Variants in DNAAF9 observed in about 807,000 individuals in gnomAD.
DNAAF9 encodes dynein axonemal assembly factor 9.
Under a neutral mutation model 167.0 loss-of-function variants are expected in DNAAF9, and 90 were observed. The observed-to-expected ratio is 0.54, with a 90% CI of 0.45 to 0.64. DNAAF9 has a LOEUF of 0.64. Among genes scored for constraint, DNAAF9 ranks in the 30% least tolerant of loss-of-function variants. The pLI, the probability that DNAAF9 is intolerant of heterozygous loss-of-function variation, is 0.00. For missense variants in DNAAF9, 1,315 were observed against 1,442.2 expected (o/e 0.91, Z 1.43); for synonymous variants, 491 against 508.8 (o/e 0.96, Z 0.47).
In DNAAF9 at chr20:3,322,148, A is replaced by G. The variant is rs1600781166; in HGVS notation, c.1356+69T>C. The stretch of plus-strand genomic sequence containing the variant: ...CTGCCCAAGACCCCCACCCACTCCC[A>G]CCTCCCAACTTACAGATGTCCCTCT... On this transcript the variant is annotated intron_variant, in intron 16 of 36. Coordinates refer to ENST00000252032, the MANE Select transcript of DNAAF9 (RefSeq NM_001009984.3). The G allele has an allele frequency of 1.6e-5, 19 of 1,186,002 alleles. No homozygotes were observed. In the South Asian group the frequency reaches 2.4e-4, roughly 15 times the overall value. 73.5% of individuals were successfully genotyped at this position (1,186,002 alleles called of 1,614,324 possible).
In DNAAF9 at chr20:3,289,512, T is replaced by C. The variant is rs77134337; in HGVS notation, c.2327+617A>G. Among the ~76,000 whole-genome samples, 398 of 152,124 alleles carry C rather than the reference T, an allele frequency of 2.6e-3. 4 individuals carry two copies. The highest frequency in any genetic ancestry group is 0.017 in the East Asian group (89 of 5,170). ...ACTTCCTATAACCTTCCCTGCTTTA[T>C]TTTCTGTTTTTTTGTTTTGTTTTTT... is the stretch of plus-strand genomic sequence containing the variant. On this transcript the variant is annotated intron_variant, in intron 26 of 36. Coordinates refer to ENST00000252032, the MANE Select transcript of DNAAF9 (RefSeq NM_001009984.3).
intron 1 of DNAAF9, among the ~76,000 whole-genome samples, chr20:3,401,052 T>C (rs2083975798): frequency 6.6e-6 from 1 of 152,178 alleles, no homozygotes; most frequent in African/African-American, 2.4e-5. Context: ...GCTGGGACCA[T>C]CTGTACCGTA....
At chr20:3,259,894 T>G in intron 32 of DNAAF9, 28 bp downstream of exon 32, 1 of 1,295,326 alleles carries the variant, frequency 7.7e-7, no homozygotes, top group Non-Finnish European at 1.1e-6. Flanking sequence ...CTTTTTCCAG[T>G]GTCTAGGACA....
chr20:3,279,034 C>G, intron 28 of DNAAF9, 85 bp from the exon 29 acceptor site: 1 of 967,048 alleles, frequency 1.0e-6, no homozygotes, highest in South Asian at 1.4e-5. Context: ...AGGAGTACCA[C>G]TGACAAGCAA....
At chr20:3,278,826 G>T in intron 29 of DNAAF9, 86 bp downstream of exon 29, 1 of 989,850 alleles carries the variant, frequency 1.0e-6, no homozygotes. Context: ...TTTCAGAATG[G>T]TAGGTAAGAG....
rs1400604655 is a variant in DNAAF9, at chr20:3,296,860, C to A, written c.2018+1G>T. On this transcript the variant is annotated splice_donor_variant, in intron 23 of 36. Coordinates refer to ENST00000252032, the MANE Select transcript of DNAAF9 (RefSeq NM_001009984.3). LOFTEE classifies it high-confidence loss of function. ...GCACAAATACTGAAGCAGCCACTTA[C>A]AATCTCTTTTGTTCCACAGATAATC... is the stretch of plus-strand genomic sequence containing the variant. 2.5e-6 allele frequency: 4 copies of A among 1,592,898 alleles called. No individual in the cohort carries two copies. Among genetic ancestry groups the A allele is most frequent in the Non-Finnish European group, 2.6e-6 (3 of 1,161,222 alleles).
chr20:3,268,973 G>A (rs2068541074), intron 30 of DNAAF9, among the ~76,000 whole-genome samples: 1 of 143,172 alleles, frequency 7.0e-6, no homozygotes, highest in Non-Finnish European at 1.5e-5. Flanking sequence ...GTGCGGTCTT[G>A]GCTCACTGCA....
At chr20:3,271,625 CTTT>C (rs199597627) in intron 29 of DNAAF9, among the ~76,000 whole-genome samples, 10 of 113,196 alleles carry the variant, frequency 8.8e-5, no homozygotes, top group East Asian at 4.8e-4. Context: ...TTTACTTCTT[CTTT>C]TTTTTTTTTT....
chr20:3,265,108 T>G (rs545985150), intron 30 of DNAAF9, among the ~76,000 whole-genome samples: 3 of 152,188 alleles, frequency 2.0e-5, no homozygotes, highest in African/African-American at 7.2e-5. Context: ...TTGTTAGAAA[T>G]GCAGAACCTC....
chr20:3,286,733 C>T (rs2068858882), intron 27 of DNAAF9, among the ~76,000 whole-genome samples: 1 of 152,182 alleles, frequency 6.6e-6, no homozygotes, highest in Non-Finnish European at 1.5e-5. Flanking sequence ...CCCAGCTTTG[C>T]TCCAATTCCC....
intron 7 of DNAAF9, among the ~76,000 whole-genome samples, chr20:3,351,834 TTTTATTTATTTATTTA>T (rs3082553): frequency 6.2e-5 from 9 of 146,226 alleles, no homozygotes; most frequent in Admixed American, 2.7e-4. Flanking sequence ...GTTTGTGTTA[TTTTATTTATTTATTTA>T]TTTATTTATT....
chr20:3,355,782 T>C (rs2083277606), intron 7 of DNAAF9, among the ~76,000 whole-genome samples: 1 of 152,192 alleles, frequency 6.6e-6, no homozygotes, highest in South Asian at 2.1e-4. Context: ...TAGGTTCTGT[T>C]TGCTAATATT....
At chr20:3,329,059 G>A (rs6051749) in intron 12 of DNAAF9, among the ~76,000 whole-genome samples, 29,330 of 151,812 alleles carry the variant, frequency 0.19, 3,068 homozygotes, top group African/African-American at 0.24. Context: ...TAGTAGAGAC[G>A]GGGTTTTGCC....
chr20:3,293,276 G>C (rs1051523208), intron 25 of DNAAF9, among the ~76,000 whole-genome samples: 4 of 119,196 alleles, frequency 3.4e-5, no homozygotes, highest in African/African-American at 1.3e-4. Context: ...CTGGGCAACA[G>C]AGGGAGACTC....
chr20:3,358,431 G>A (rs1053173566), intron 7 of DNAAF9, among the ~76,000 whole-genome samples: 12 of 152,008 alleles, frequency 7.9e-5, no homozygotes, highest in African/African-American at 2.4e-4. Flanking sequence ...TTACAGGCGC[G>A]TGCCATTGTG....
Position 3,332,895 on chromosome 20 carries a change from C to G in DNAAF9, c.982-534G>C, listed in dbSNP as rs1998059. ...GCGTGCATGCGTGTGTGCGTGTGTG[C>G]GTGTGGTGTGTGTGTGTGTGTGTGT... On this transcript the variant is annotated intron_variant, in intron 10 of 36. Transcript: ENST00000252032. 1.0e-3 allele frequency among the ~76,000 whole-genome samples: 130 copies of G among 129,952 alleles called. No homozygotes were observed. In the East Asian group the frequency reaches 0.01, roughly 10 times the overall value. The allele number at this position is 129,952 out of a possible 152,430, so 85.3% of individuals were successfully genotyped here.
At chr20:3,319,524 A>C (rs1227266160) in intron 16 of DNAAF9, among the ~76,000 whole-genome samples, 2 of 152,140 alleles carry the variant, frequency 1.3e-5, no homozygotes, top group Non-Finnish European at 2.9e-5. Flanking sequence ...CTGATGAGGG[A>C]CATGGGATAA....
At chr20:3,350,574 T>C (rs2123145301) in intron 7 of DNAAF9, among the ~76,000 whole-genome samples, 1 of 152,270 alleles carries the variant, frequency 6.6e-6, no homozygotes, top group East Asian at 1.9e-4. Context: ...TGAGTACTTC[T>C]AGCACTCAGA....
intron 1 of DNAAF9, among the ~76,000 whole-genome samples, chr20:3,402,078 G>A (rs538232204): frequency 6.6e-6 from 1 of 152,088 alleles, no homozygotes; most frequent in Non-Finnish European, 1.5e-5. Flanking sequence ...CTGAGAGTTT[G>A]GCTGGGTGCA....
Sources: allele counts gnomAD v4.1 joint callset (sites outside exome capture counted in the v4.1 genomes callset), GRCh38; gene constraint gnomAD v4.1.1; transcripts MANE v1.5; gene names NCBI Gene and HGNC (gene_info 2026-07-23, HGNC 2026-07-21).